The following AXDND1 variants were observed in gnomAD, a reference collection of about 807,000 sequenced individuals.
AXDND1 encodes the protein axonemal dynein light chain domain-containing protein 1.
AXDND1 carries 110 observed loss-of-function variants against 137.5 expected under a neutral mutation model. The observed-to-expected ratio is 0.80, with a 90% CI of 0.69 to 0.94. AXDND1 has a LOEUF of 0.94. Ranked by LOEUF, AXDND1 falls within the 40% of genes least tolerant of loss-of-function variation. The pLI, the probability that AXDND1 is intolerant of heterozygous loss-of-function variation, is 0.00. For missense variants in AXDND1, 1,191 were observed against 1,169.8 expected, an observed-to-expected ratio of 1.02 and a Z score of -0.26; for synonymous variants, 414 against 399.7, an observed-to-expected ratio of 1.04 and a Z score of -0.43.
intron 25 of AXDND1, chr1:179,548,804 T>C (rs1256948042): frequency 6.6e-6 from 1 of 152,208 alleles, no homozygotes; most frequent in African/African-American, 2.4e-5. Flanking sequence ...ATAACACCAC[T>C]GGTGAGCCAT....
intron 20 of AXDND1, among the ~76,000 whole-genome samples, chr1:179,493,765 C>T (rs1003392410): frequency 1.3e-5 from 2 of 152,112 alleles, no homozygotes; most frequent in East Asian, 3.9e-4. Context: ...TGATGGATAC[C>T]CCTGTTACCC....
intron 9 of AXDND1, among the ~76,000 whole-genome samples, chr1:179,391,409 C>A (rs1401574217): frequency 1.3e-5 from 2 of 152,070 alleles, no homozygotes; most frequent in Non-Finnish European, 2.9e-5. Flanking sequence ...ATAATCCCCA[C>A]ATGTTGTGGA....
chr1:179,444,055 T>TA (rs1240813936), intron 15 of AXDND1, among the ~76,000 whole-genome samples: 2 of 49,596 alleles, frequency 4.0e-5, no homozygotes, highest in Non-Finnish European at 8.8e-5. Context: ...TTTAGTGAAT[T>TA]TTTTTTTTTT....
chr1:179,394,037 T>A lies in AXDND1; in HGVS notation c.998T>A (p.Leu333Gln). The change falls in exon 10 of 26, where the codon CTG (leucine) becomes CAG (glutamine). Residue 333 changes from leucine (L) to glutamine (Q), a missense_variant. Leu to Gln is a moderately radical substitution (Grantham distance 113). Transcript: ENST00000367618. ...LYNFKHVIEE[L>Q]TRELCLVRAH... Reference sequence around the variant, plus strand: ...AATTTCAAGCATGTTATTGAAGAACTGACCAGGTAAAAACTGTGATTATCT... The same window carrying A: ...AATTTCAAGCATGTTATTGAAGAACAGACCAGGTAAAAACTGTGATTATCT... 1 of 1,602,338 alleles carries A rather than the reference T, an allele frequency of 6.2e-7. No individual in the cohort carries two copies. The highest frequency in any genetic ancestry group is 8.5e-7 in the Non-Finnish European group (1 of 1,175,700).
At chr1:179,384,888 C>T (rs1424645473) in intron 8 of AXDND1, among the ~76,000 whole-genome samples, 1 of 151,904 alleles carries the variant, frequency 6.6e-6, no homozygotes, top group Non-Finnish European at 1.5e-5. Flanking sequence ...CTCAGCCTCC[C>T]GAGTAGCTGG....
intron 16 of AXDND1, among the ~76,000 whole-genome samples, chr1:179,446,661 A>T (rs1659773381): frequency 6.6e-6 from 1 of 152,206 alleles, no homozygotes; most frequent in Non-Finnish European, 1.5e-5. Flanking sequence ...ACCCTTTCAC[A>T]TACTCTAATG....
intron 16 of AXDND1, among the ~76,000 whole-genome samples, chr1:179,461,050 G>C (rs1662249941): frequency 6.6e-6 from 1 of 152,116 alleles, no homozygotes; most frequent in Admixed American, 6.5e-5. Context: ...AAGCTCTTTA[G>C]TTTAATTAGA....
chr1:179,444,038 T>G (rs535584864), intron 15 of AXDND1, among the ~76,000 whole-genome samples: 1 of 148,206 alleles, frequency 6.7e-6, no homozygotes, highest in African/African-American at 2.5e-5. Flanking sequence ...ATATACAACA[T>G]GTCTAGTTTA....
chr1:179,411,385 CT>C, intron 12 of AXDND1, 119 bp downstream of exon 12: 2 of 1,337,788 alleles, frequency 1.5e-6, no homozygotes, highest in Non-Finnish European at 2.0e-6. Flanking sequence ...CACTCTGTTG[CT>C]TAGGCTGGAA....
At chr1:179,443,009 C>T (rs11582255) in intron 15 of AXDND1, among the ~76,000 whole-genome samples, 45,249 of 152,014 alleles carry the variant, frequency 0.3, 6,933 homozygotes, top group Non-Finnish European at 0.31. Context: ...CGGTGATTGT[C>T]GAGTAATTGT....
chr1:179,430,607 G>C lies in AXDND1; in HGVS notation c.1487+1G>C. 6.2e-7 allele frequency: 1 copy of C among 1,605,440 alleles called. No individual in the cohort carries two copies. Among genetic ancestry groups the C allele is most frequent in the East Asian group, 2.2e-5 (1 of 44,802 alleles). ...TTATCAAATGGCAGGAGTTCTTCAA[G>C]TGAGTCACCAAGAATCTTGTTTTTC... is the stretch of plus-strand genomic sequence containing the variant. On this transcript the variant is annotated splice_donor_variant, in intron 14 of 25. Transcript: ENST00000367618. LOFTEE classifies it high-confidence loss of function.
intron 21 of AXDND1, among the ~76,000 whole-genome samples, chr1:179,516,539 A>G (rs909637158): frequency 6.6e-6 from 1 of 152,138 alleles, no homozygotes; most frequent in Non-Finnish European, 1.5e-5. Context: ...TTGTTTTGTC[A>G]TAGTACCAGA....
At chr1:179,463,861 T>G (rs1368137061) in intron 16 of AXDND1, among the ~76,000 whole-genome samples, 1 of 152,212 alleles carries the variant, frequency 6.6e-6, no homozygotes, top group Non-Finnish European at 1.5e-5. Flanking sequence ...TTGATCCCTT[T>G]ACCATTATGT....
chr1:179,457,340 C>T (rs184150662), intron 16 of AXDND1: 8 of 546,660 alleles, frequency 1.5e-5, no homozygotes, highest in Admixed American at 5.3e-5. Flanking sequence ...ACAAGACGGC[C>T]GGGAGAAGAG....
intron 15 of AXDND1, among the ~76,000 whole-genome samples, chr1:179,443,374 A>C (rs555249078): frequency 6.6e-6 from 1 of 152,320 alleles, no homozygotes; most frequent in Admixed American, 6.5e-5. Context: ...AAAATTAATA[A>C]CATCTTTTTT....
intron 25 of AXDND1, chr1:179,551,582 T>C (rs574106136): frequency 9.9e-7 from 1 of 1,011,874 alleles, no homozygotes; most frequent in East Asian, 2.5e-5. Context: ...ATAGAACATG[T>C]TTATTCTTCT....
At position 179,366,574 on chromosome 1, in the gene AXDND1, TAA is replaced by T. The variant is rs572876742; in HGVS notation, c.68_69del (p.Lys23SerfsTer13). 264 of 1,613,742 alleles carry T rather than the reference TAA, an allele frequency of 1.6e-4. 1 individual carries two copies. The South Asian group carries it at 2.1e-3, about 13-fold the overall frequency. On this transcript the variant is annotated frameshift_variant, in exon 2 of 26. Coordinates refer to ENST00000367618, the MANE Select transcript of AXDND1 (RefSeq NM_144696.6). LOFTEE classifies it high-confidence loss of function. ...ACATCAACATCTGAGAGCAAAAAGT[TAA>T]AAGTGTCTGTAGCCAAGGAAGGGAC...
chr1:179,466,694 G>A (rs903761454), intron 16 of AXDND1, among the ~76,000 whole-genome samples: 1 of 151,946 alleles, frequency 6.6e-6, no homozygotes, highest in African/African-American at 2.4e-5. Flanking sequence ...TTTATTTTCT[G>A]TATTTTTGTC....
chr1:179,384,243 A>G (rs1394754203), intron 8 of AXDND1, among the ~76,000 whole-genome samples: 3 of 152,150 alleles, frequency 2.0e-5, no homozygotes, highest in African/African-American at 7.2e-5. Flanking sequence ...TTGCTTTCTC[A>G]TTCTCTCTCC....
Sources: gnomAD v4.1 joint callset for allele counts (sites outside exome capture counted in the v4.1 genomes callset) on GRCh38, gnomAD v4.1.1 for gene constraint, MANE v1.5 for transcripts, NCBI Gene and HGNC (gene_info 2026-07-23, HGNC 2026-07-21) for gene names.